PCDHGA5: variants seen among roughly 807,000 people sequenced by gnomAD.
PCDHGA5 encodes protocadherin gamma subfamily A, 5.
PCDHGA5 carries 36 observed loss-of-function variants against 56.7 expected under a neutral mutation model. The ratio of observed to expected loss-of-function variants is 0.64; its 90% CI spans 0.49 to 0.84. The LOEUF (loss-of-function observed/expected upper bound fraction) is 0.84, where lower values mean the gene tolerates loss of function less well. Among genes scored for constraint, PCDHGA5 ranks in the 40% least tolerant of loss-of-function variants. PCDHGA5 has a pLI of 0.00. For missense variants in PCDHGA5, 1,305 were observed against 1,201.5 expected, an observed-to-expected ratio of 1.09 and a Z score of -1.27; for synonymous variants, 563 against 520.2, an observed-to-expected ratio of 1.08 and a Z score of -1.12.
Position 141,477,143 on chromosome 5 carries a change from G to A in PCDHGA5, c.2422-17664G>A. Reference sequence around the variant, plus strand: ...ACATTGCAAAGTGTTGGTGGAGGTTGTGGATGTGAATGACAACGCCCCGGA... The same window carrying A: ...ACATTGCAAAGTGTTGGTGGAGGTTATGGATGTGAATGACAACGCCCCGGA... On this transcript the variant is annotated intron_variant, in intron 1 of 3. Transcript: ENST00000518069. This position sits in a 1 kb window ranked among gnomAD's most constrained non-coding sequence, Gnocchi z 4.9. 6.2e-7 allele frequency: 1 copy of A among 1,614,198 alleles called. No individual in the cohort carries two copies. Among genetic ancestry groups the A allele is most frequent in the Non-Finnish European group, 8.5e-7 (1 of 1,180,036 alleles).
intron 1 of PCDHGA5, chr5:141,371,951 C>T: frequency 6.2e-7 from 1 of 1,613,306 alleles, no homozygotes; most frequent in Non-Finnish European, 8.5e-7. Context: ...CGCAGCGAGC[C>T]TTCGACCACG....
chr5:141,370,617 T>C lies in PCDHGA5; in HGVS notation c.2421+3866T>C, dbSNP rs1767063471. 3 of 1,613,958 alleles carry C rather than the reference T, an allele frequency of 1.9e-6. No individual in the cohort carries two copies. The South Asian group carries it at 3.3e-5, about 18-fold the overall frequency. ...GCGGGTTATTGCAGAGAAGAAATTCTTTACCGTGAGCCCCGAAAATGGGAA... is the reference window on the plus strand; with the variant it reads ...GCGGGTTATTGCAGAGAAGAAATTCCTTACCGTGAGCCCCGAAAATGGGAA... On this transcript the variant is annotated intron_variant, in intron 1 of 3. Coordinates refer to ENST00000518069, the MANE Select transcript of PCDHGA5 (RefSeq NM_018918.3).
At chr5:141,414,270 T>G in intron 1 of PCDHGA5, 1 of 1,613,476 alleles carries the variant, frequency 6.2e-7, no homozygotes, top group Non-Finnish European at 8.5e-7. Context: ...AAGATTCACC[T>G]CTGGGAACAG....
intron 1 of PCDHGA5, among the ~76,000 whole-genome samples, chr5:141,402,311 A>G (rs1174114133): frequency 1.3e-5 from 2 of 152,022 alleles, no homozygotes; most frequent in Non-Finnish European, 2.9e-5. Flanking sequence ...ATACAATTAT[A>G]TATTTTACAT....
At chr5:141,510,863 A>G in intron 3 of PCDHGA5, 84 bp from the exon 4 acceptor site, 1 of 1,607,492 alleles carries the variant, frequency 6.2e-7, no homozygotes, top group African/African-American at 1.3e-5. Flanking sequence ...CTGTATAGGC[A>G]TTCATTAACT....
rs760519562 is a variant in PCDHGA5, at chr5:141,364,872, A to G, written c.542A>G (p.Asp181Gly). ...AGCTCCAATCTGCACTTCTCTCTGGATGTGGTAAGCGGAACTGATGGACAA... is the reference window on the plus strand; with the variant it reads ...AGCTCCAATCTGCACTTCTCTCTGGGTGTGGTAAGCGGAACTGATGGACAA... ...QLSSNLHFSL[D>G]VVSGTDGQKY... is the part of the protein sequence containing the mutation. The change falls in exon 1 of 4, where the codon GAT (aspartate) becomes GGT (glycine). Residue 181 changes from aspartate (D) to glycine (G), a missense_variant. By Grantham distance (94) the Asp-to-Gly change is moderately conservative. Transcript: ENST00000518069. 6 of 1,613,890 alleles carry G rather than the reference A, an allele frequency of 3.7e-6. No individual in the cohort carries two copies. Among genetic ancestry groups the G allele is most frequent in the Non-Finnish European group, 5.1e-6 (6 of 1,179,882 alleles).
intron 1 of PCDHGA5, chr5:141,416,273 T>C (rs891505781): frequency 8.5e-5 from 13 of 152,298 alleles, no homozygotes; most frequent in African/African-American, 3.1e-4. Flanking sequence ...CCTTTTTGCA[T>C]ACAATTCTCT....
intron 1 of PCDHGA5, among the ~76,000 whole-genome samples, chr5:141,460,003 A>AG (rs1177398494): frequency 6.6e-6 from 1 of 152,186 alleles, no homozygotes; most frequent in African/African-American, 2.4e-5. Context: ...GCTTGAACCC[A>AG]GGAGGCGGAG....
chr5:141,415,605 G>GGT, intron 1 of PCDHGA5: 1 of 1,613,122 alleles, frequency 6.2e-7, no homozygotes. Context: ...ATACCCCATT[G>GGT]GTTCCAGTGA....
At chr5:141,447,263 C>A (rs953578064) in intron 1 of PCDHGA5, among the ~76,000 whole-genome samples, 1 of 152,116 alleles carries the variant, frequency 6.6e-6, no homozygotes, top group Non-Finnish European at 1.5e-5. Context: ...TCTCAGCCTC[C>A]CAAGTAGCTG....
Position 141,383,585 on chromosome 5 carries a change from A to G in PCDHGA5, c.2421+16834A>G, listed in dbSNP as rs1779292169. The stretch of plus-strand genomic sequence containing the variant: ...CCCCGATCCAGCACCGCCCACATCC[A>G]GGTGACAGTGGTGGATGTGAATGAC... On this transcript the variant is annotated intron_variant, in intron 1 of 3. Coordinates refer to ENST00000518069, the MANE Select transcript of PCDHGA5 (RefSeq NM_018918.3). The G allele has an allele frequency of 4.3e-6, 7 of 1,613,646 alleles. No individual in the cohort carries two copies. Among genetic ancestry groups the G allele is most frequent in the Non-Finnish European group, 5.9e-6 (7 of 1,179,852 alleles).
chr5:141,489,293 T>G lies in PCDHGA5; in HGVS notation c.2422-5514T>G. The G allele has an allele frequency of 6.3e-7, 1 of 1,579,940 alleles. No homozygotes were observed. Among genetic ancestry groups the G allele is most frequent in the Non-Finnish European group, 8.6e-7 (1 of 1,162,928 alleles). ...GCTGGGAAATGGCAAGTGCTGTGCA[T>G]GTTGTCCTTGTGCTGCTGGGGCTGG... On this transcript the variant is annotated intron_variant, in intron 1 of 3. Transcript: ENST00000518069. This position sits in a 1 kb window ranked among gnomAD's most constrained non-coding sequence, Gnocchi z 4.5.
chr5:141,491,896 C>A lies in PCDHGA5; in HGVS notation c.2422-2911C>A. ...CGATTAAGGGATGGGGCTCCGAGCA[C>A]CGGGGGTGGTGGCGACTGTGGGCGA... On this transcript the variant is annotated intron_variant, in intron 1 of 3. Coordinates refer to ENST00000518069, the MANE Select transcript of PCDHGA5 (RefSeq NM_018918.3). This position sits in a 1 kb window ranked among gnomAD's most constrained non-coding sequence, Gnocchi z 6.9. 1 of 1,434,504 alleles carries A rather than the reference C, an allele frequency of 7.0e-7. No homozygotes were observed. Among genetic ancestry groups the A allele is most frequent in the Non-Finnish European group, 9.2e-7 (1 of 1,084,690 alleles). The allele number at this position is 1,434,504 out of a possible 1,614,324, so 88.9% of individuals were successfully genotyped here.
At position 141,431,392 on chromosome 5, in the gene PCDHGA5, C is replaced by T. The variant is rs572129534; in HGVS notation, c.2422-63415C>T. 3 of 1,613,888 alleles carry T rather than the reference C, an allele frequency of 1.9e-6. No homozygotes were observed. Among genetic ancestry groups the T allele is most frequent in the Non-Finnish European group, 2.5e-6 (3 of 1,180,048 alleles). On this transcript the variant is annotated intron_variant, in intron 1 of 3. Transcript: ENST00000518069. The surrounding 1 kb of genome is among the most constrained non-coding windows in gnomAD (Gnocchi z 4.8). ...AAGAAAAGGCTGCTCACCACCTGGT[C>T]CTTACGGCCTCCGACGGGGGCGACC... is the stretch of plus-strand genomic sequence containing the variant.
chr5:141,370,350 A>G (rs1454225178), intron 1 of PCDHGA5: 1 of 1,496,326 alleles, frequency 6.7e-7, no homozygotes, highest in Non-Finnish European at 9.0e-7. Flanking sequence ...TTATTTAAAG[A>G]TCTCCTCTCC....
intron 1 of PCDHGA5, chr5:141,378,088 T>C (rs1218204650): frequency 6.6e-6 from 1 of 152,252 alleles, no homozygotes; most frequent in Non-Finnish European, 1.5e-5. Flanking sequence ...TTATAACTTT[T>C]TTTCAAACTC....
intron 3 of PCDHGA5, among the ~76,000 whole-genome samples, chr5:141,509,335 G>C (rs113423267): frequency 6.6e-6 from 1 of 152,144 alleles, no homozygotes; most frequent in African/African-American, 2.4e-5. Context: ...CTGCCAGCTG[G>C]GCCTGGGCTG....
At chr5:141,403,136 C>G in intron 1 of PCDHGA5, 1 of 1,614,006 alleles carries the variant, frequency 6.2e-7, no homozygotes. Flanking sequence ...GCTGGCGGAG[C>G]GCCGAGTCCG....
intron 1 of PCDHGA5, among the ~76,000 whole-genome samples, chr5:141,387,047 TTGTGTAA>T (rs1005909383): frequency 1.3e-4 from 20 of 152,186 alleles, no homozygotes; most frequent in African/African-American, 4.8e-4. Flanking sequence ...AGTAAAATAA[TTGTGTAA>T]TGAGGAGAGG....
Sources: gnomAD v4.1 joint callset for allele counts (sites outside exome capture counted in the v4.1 genomes callset) on GRCh38, gnomAD v4.1.1 for gene constraint, Gnocchi (gnomAD v3.1) non-coding constraint, MANE v1.5 for transcripts, NCBI Gene and HGNC (gene_info 2026-07-23, HGNC 2026-07-21) for gene names.